The following SCHIP1 variants were observed in gnomAD, a reference collection of about 807,000 sequenced individuals.
The protein encoded by SCHIP1 is schwannomin-interacting protein 1.
SCHIP1 carries 8 observed loss-of-function variants against 29.7 expected under a neutral mutation model. The ratio of observed to expected loss-of-function variants is 0.27; its 90% CI spans 0.16 to 0.49. The LOEUF (loss-of-function observed/expected upper bound fraction) is 0.49, where lower values mean the gene tolerates loss of function less well. Ranked by LOEUF, SCHIP1 falls within the 20% of genes least tolerant of loss-of-function variation. SCHIP1 has a pLI of 0.99. For missense variants in SCHIP1, 193 were observed against 294.6 expected (o/e 0.66, Z 2.52); for synonymous variants, 76 against 94.9 (o/e 0.80, Z 1.16).
chr3:159,392,301 A>G, the SCHIP1 span, among the ~76,000 whole-genome samples: 3 of 152,180 alleles, frequency 2.0e-5, no homozygotes, highest in South Asian at 6.2e-4. Flanking sequence ...TGTTCTTGCC[A>G]GCACTCTTTT....
intron 1 of SCHIP1, among the ~76,000 whole-genome samples, chr3:159,854,001 G>A (rs115461986): frequency 6.7e-4 from 102 of 152,206 alleles, no homozygotes; most frequent in Non-Finnish European, 1.3e-3. Flanking sequence ...TCACAGGCCC[G>A]AGTAAAAATA....
At chr3:159,808,663 T>C in the SCHIP1 span, 2 of 152,102 alleles carry the variant, frequency 1.3e-5, no homozygotes. Flanking sequence ...CATACTAGCG[T>C]GGTGGAGGCA....
At chr3:159,616,852 G>T in the SCHIP1 span, among the ~76,000 whole-genome samples, 12 of 152,080 alleles carry the variant, frequency 7.9e-5, no homozygotes, top group African/African-American at 2.2e-4. Flanking sequence ...ATCTAGATCT[G>T]CATTGTCCAA....
the SCHIP1 span, among the ~76,000 whole-genome samples, chr3:159,481,861 C>G: frequency 6.6e-6 from 1 of 152,080 alleles, no homozygotes; most frequent in African/African-American, 2.4e-5. Context: ...TAAGAAAACA[C>G]AAGGTGTCTT....
chr3:159,857,260 G>A (rs1050773451), intron 1 of SCHIP1, among the ~76,000 whole-genome samples: 8 of 152,150 alleles, frequency 5.3e-5, no homozygotes, highest in South Asian at 2.1e-4. Flanking sequence ...AAATGCAAGT[G>A]TGTTAGATGT....
the SCHIP1 span, among the ~76,000 whole-genome samples, chr3:159,773,556 C>T: frequency 6.6e-6 from 1 of 152,028 alleles, no homozygotes; most frequent in Non-Finnish European, 1.5e-5. Context: ...AATGGGTGTT[C>T]CCCAAATTTA....
the SCHIP1 span, among the ~76,000 whole-genome samples, chr3:159,335,347 C>G: frequency 2.6e-5 from 4 of 151,976 alleles, no homozygotes; most frequent in East Asian, 7.7e-4. Flanking sequence ...GATGCCCTGT[C>G]TTTTTTTTAT....
the SCHIP1 span, among the ~76,000 whole-genome samples, chr3:159,353,827 G>T: frequency 1.3e-5 from 2 of 152,144 alleles, no homozygotes; most frequent in East Asian, 3.8e-4. Context: ...TGGTAAACTA[G>T]AATGGAAAAT....
chr3:159,771,646 T>G, the SCHIP1 span, among the ~76,000 whole-genome samples: 249 of 152,114 alleles, frequency 1.6e-3, 1 homozygote, highest in African/African-American at 5.8e-3. Context: ...TCTACTGGCA[T>G]GTACTCTAGA....
chr3:159,497,546 T>C, the SCHIP1 span, among the ~76,000 whole-genome samples: 1 of 151,928 alleles, frequency 6.6e-6, no homozygotes, highest in Non-Finnish European at 1.5e-5. Context: ...ACTGCCAGTG[T>C]CACCACATGG....
the SCHIP1 span, among the ~76,000 whole-genome samples, chr3:159,635,482 T>C: frequency 6.6e-6 from 1 of 152,318 alleles, no homozygotes; most frequent in African/African-American, 2.4e-5. Flanking sequence ...TCCTGTGGGA[T>C]TCCCATCCTG....
the SCHIP1 span, among the ~76,000 whole-genome samples, chr3:159,675,805 G>C: frequency 6.6e-6 from 1 of 152,160 alleles, no homozygotes; most frequent in South Asian, 2.1e-4. Flanking sequence ...AGAAAACTTG[G>C]AGTCATGTTT....
chr3:159,354,337 A>C, the SCHIP1 span, among the ~76,000 whole-genome samples: 1 of 152,188 alleles, frequency 6.6e-6, no homozygotes, highest in Non-Finnish European at 1.5e-5. Flanking sequence ...ACTGCATCCT[A>C]ATTAGACACA....
At chr3:159,507,502 G>C in the SCHIP1 span, among the ~76,000 whole-genome samples, 1 of 152,114 alleles carries the variant, frequency 6.6e-6, no homozygotes, top group Non-Finnish European at 1.5e-5. Flanking sequence ...TCCAGCACTA[G>C]GTTGAATAGG....
At chr3:159,284,628 A>G in the SCHIP1 span, among the ~76,000 whole-genome samples, 2 of 152,070 alleles carry the variant, frequency 1.3e-5, no homozygotes, top group African/African-American at 4.8e-5. Context: ...AGCTGGGATT[A>G]CAGGTGTACG....
At chr3:159,722,560 A>G in the SCHIP1 span, among the ~76,000 whole-genome samples, 2 of 152,096 alleles carry the variant, frequency 1.3e-5, no homozygotes, top group African/African-American at 2.4e-5. Context: ...CAATTGTTTA[A>G]TGTATACATT....
chr3:159,608,197 G>C, the SCHIP1 span, among the ~76,000 whole-genome samples: 7 of 152,188 alleles, frequency 4.6e-5, no homozygotes, highest in Non-Finnish European at 1.0e-4. Context: ...ATTGGTCAAG[G>C]AGACCTCAGT....
chr3:159,509,165 A>C, the SCHIP1 span, among the ~76,000 whole-genome samples: 1 of 152,190 alleles, frequency 6.6e-6, no homozygotes, highest in African/African-American at 2.4e-5. Flanking sequence ...TATTGGGTGC[A>C]TATATATTTA....
the SCHIP1 span, among the ~76,000 whole-genome samples, chr3:159,532,686 A>G: frequency 6.6e-6 from 1 of 152,222 alleles, no homozygotes. Flanking sequence ...TGTTGTTCCA[A>G]TGTCATGACC....
Sources: allele counts gnomAD v4.1 joint callset (sites outside exome capture counted in the v4.1 genomes callset), GRCh38; gene constraint gnomAD v4.1.1; transcripts MANE v1.5; gene names NCBI Gene and HGNC (gene_info 2026-07-23, HGNC 2026-07-21).